MGMT: variants seen among roughly 807,000 people sequenced by gnomAD.
MGMT encodes methylated-DNA--protein-cysteine methyltransferase.
Under a neutral mutation model 15.9 loss-of-function variants are expected in MGMT, and 14 were observed. The ratio of observed to expected loss-of-function variants is 0.88; its 90% CI spans 0.58 to 1.37. The LOEUF is 1.37. Among genes scored for constraint, MGMT ranks in the 40% most tolerant of loss-of-function variants. MGMT has a pLI of 0.00. For missense variants in MGMT, 282 were observed against 268.1 expected, an observed-to-expected ratio of 1.05 and a Z score of -0.36; for synonymous variants, 130 against 118.2, an observed-to-expected ratio of 1.10 and a Z score of -0.65.
At chr10:129,657,729 C>A (rs11016855) in intron 2 of MGMT, among the ~76,000 whole-genome samples, 7,705 of 121,968 alleles carry the variant, frequency 0.063, 426 homozygotes, top group Non-Finnish European at 0.068. Flanking sequence ...ACACACACAC[C>A]CCCTCTCCCC....
chr10:129,616,317 G>C (rs1847025968), intron 2 of MGMT, among the ~76,000 whole-genome samples: 1 of 152,224 alleles, frequency 6.6e-6, no homozygotes, highest in South Asian at 2.1e-4. Flanking sequence ...CAGAGCCGGA[G>C]AGGCCGCCCA....
rs1000424030 is a variant in MGMT at position 129,638,483 on chromosome 10, G to A, written c.126-69412G>A. Among the ~76,000 whole-genome samples, 5 of 127,788 alleles carry A rather than the reference G, an allele frequency of 3.9e-5. No homozygotes were observed. In the East Asian group the frequency reaches 8.3e-4, roughly 21 times the overall value. 83.8% of individuals were successfully genotyped at this position (127,788 alleles called of 152,430 possible). The stretch of plus-strand genomic sequence containing the variant: ...AAAAATAACTGACGTCTATCTAGAA[G>A]AGCACAGTGAAATTTAAGAATAGAG... On this transcript the variant is annotated intron_variant, in intron 2 of 4. Coordinates refer to ENST00000651593, the MANE Select transcript of MGMT (RefSeq NM_002412.5).
intron 2 of MGMT, among the ~76,000 whole-genome samples, chr10:129,638,149 T>G (rs761963832): frequency 2.0e-5 from 3 of 152,096 alleles, no homozygotes; most frequent in Non-Finnish European, 2.9e-5. Context: ...TGTGACATGT[T>G]TCACTTAACT....
chr10:129,562,192 G>A (rs536200621), intron 2 of MGMT, among the ~76,000 whole-genome samples: 2 of 152,136 alleles, frequency 1.3e-5, no homozygotes, highest in African/African-American at 2.4e-5. Flanking sequence ...AAAACACTCC[G>A]TCACCATTCC....
At chr10:129,480,105 A>T (rs1309992262) in intron 1 of MGMT, among the ~76,000 whole-genome samples, 2 of 152,240 alleles carry the variant, frequency 1.3e-5, no homozygotes, top group African/African-American at 4.8e-5. Context: ...TGCCTGGATG[A>T]ATAGAAGACA....
At chr10:129,486,729 G>T (rs562201880) in intron 1 of MGMT, among the ~76,000 whole-genome samples, 1 of 152,224 alleles carries the variant, frequency 6.6e-6, no homozygotes, top group Non-Finnish European at 1.5e-5. Context: ...GAAACAAAGG[G>T]CGTCTTTGAT....
intron 2 of MGMT, among the ~76,000 whole-genome samples, chr10:129,573,620 T>G (rs1846444899): frequency 6.6e-6 from 1 of 152,204 alleles, no homozygotes; most frequent in Non-Finnish European, 1.5e-5. Context: ...GTGTTTTAAT[T>G]TAAAGAGTCT....
intron 4 of MGMT, among the ~76,000 whole-genome samples, chr10:129,762,188 G>T (rs3829194): frequency 0.11 from 17,014 of 152,196 alleles, 1,878 homozygotes; most frequent in African/African-American, 0.28. Context: ...ACGGTGCGTC[G>T]CTGAGACTCG....
intron 1 of MGMT, among the ~76,000 whole-genome samples, chr10:129,477,317 G>A (rs906257401): frequency 2.6e-5 from 4 of 152,112 alleles, no homozygotes; most frequent in African/African-American, 9.7e-5. Flanking sequence ...CTTGATGGTG[G>A]GATGCTAGAT....
chr10:129,491,016 AC>A (rs891621151), intron 1 of MGMT, among the ~76,000 whole-genome samples: 4 of 152,144 alleles, frequency 2.6e-5, no homozygotes, highest in Non-Finnish European at 5.9e-5. Flanking sequence ...TTATATATAC[AC>A]ATTTAAAATG....
At chr10:129,567,270 G>A (rs1256876541) in intron 2 of MGMT, among the ~76,000 whole-genome samples, 1 of 152,094 alleles carries the variant, frequency 6.6e-6, no homozygotes, top group African/African-American at 2.4e-5. Flanking sequence ...GCTCTAAGGG[G>A]CATTGTCTGT....
chr10:129,589,551 AC>A (rs1846657639), intron 2 of MGMT, among the ~76,000 whole-genome samples: 1 of 152,216 alleles, frequency 6.6e-6, no homozygotes, highest in African/African-American at 2.4e-5. Flanking sequence ...CAAAACTGAA[AC>A]TTTCCATTAT....
intron 2 of MGMT, among the ~76,000 whole-genome samples, chr10:129,656,105 G>A (rs1847522288): frequency 6.6e-6 from 1 of 152,206 alleles, no homozygotes; most frequent in South Asian, 2.1e-4. Flanking sequence ...GAACCCAGGT[G>A]AAAGGCCAAG....
At chr10:129,746,620 T>TC (rs1848699158) in intron 3 of MGMT, among the ~76,000 whole-genome samples, 1 of 152,292 alleles carries the variant, frequency 6.6e-6, no homozygotes, top group East Asian at 1.9e-4. Context: ...AAACATTTGG[T>TC]CGTGCTTCAG....
chr10:129,747,719 T>TA lies in MGMT; in HGVS notation c.275-11482dup, dbSNP rs567343382. On this transcript the variant is annotated intron_variant, in intron 3 of 4. Transcript: ENST00000651593. ...ATGATCTTGAAGTTTTCTTAGTTTT[T>TA]ACCTACTGCCCTTCTTCCATTCCAG... Among the ~76,000 whole-genome samples, 473 of 152,350 alleles carry TA rather than the reference T, an allele frequency of 3.1e-3. 2 individuals are homozygous for TA. Among genetic ancestry groups the TA allele is most frequent in the Non-Finnish European group, 5.2e-3 (356 of 68,034 alleles).
chr10:129,721,075 C>T (rs898182678), intron 3 of MGMT, among the ~76,000 whole-genome samples: 6 of 152,046 alleles, frequency 3.9e-5, no homozygotes, highest in South Asian at 4.1e-4. Flanking sequence ...TTGATAGTTT[C>T]GTTATTATGA....
chr10:129,626,116 T>C (rs1847145995), intron 2 of MGMT, among the ~76,000 whole-genome samples: 1 of 152,174 alleles, frequency 6.6e-6, no homozygotes, highest in African/African-American at 2.4e-5. Context: ...CTGTTACTTA[T>C]GGACAGGTGG....
intron 3 of MGMT, among the ~76,000 whole-genome samples, chr10:129,747,541 C>A (rs1298764428): frequency 6.6e-6 from 1 of 152,086 alleles, no homozygotes; most frequent in Admixed American, 6.5e-5. Flanking sequence ...ATTGAAAAAT[C>A]AGTAGGGTTC....
chr10:129,615,586 T>C (rs1184758519), intron 2 of MGMT, among the ~76,000 whole-genome samples: 1 of 152,216 alleles, frequency 6.6e-6, no homozygotes, highest in Non-Finnish European at 1.5e-5. Flanking sequence ...CCTCACCCTC[T>C]GCCCCAGTGC....
Sources: gnomAD v4.1 joint callset for allele counts (sites outside exome capture counted in the v4.1 genomes callset) on GRCh38, gnomAD v4.1.1 for gene constraint, MANE v1.5 for transcripts, NCBI Gene and HGNC (gene_info 2026-07-23, HGNC 2026-07-21) for gene names.